The following ZNF75A variants were observed in gnomAD, a reference collection of about 807,000 sequenced individuals.
ZNF75A encodes zinc finger protein 75A.
Under a neutral mutation model 46.3 loss-of-function variants are expected in ZNF75A, and 36 were observed. The observed-to-expected ratio is 0.78, with a 90% CI of 0.60 to 1.03. ZNF75A has a LOEUF of 1.03. Ranked by LOEUF, ZNF75A falls within the 50% of genes least tolerant of loss-of-function variation. The pLI is 0.00. For missense variants in ZNF75A, 595 were observed against 551.3 expected (o/e 1.08, Z -0.79); for synonymous variants, 234 against 189.9 (o/e 1.23, Z -1.91).
At position 3,318,341 on chromosome 16, in the gene ZNF75A, A is replaced by G. The variant is rs922314633; in HGVS notation, c.*472A>G. On this transcript the variant is annotated 3_prime_UTR_variant, in exon 7 of 7. Transcript: ENST00000669516. ...TGAGTTCCTTCTTAAACTTTTCGGC[A>G]ACTTCTCTTGGATCCTGTTATCACA... is the stretch of plus-strand genomic sequence containing the variant. 5.1e-6 allele frequency: 5 copies of G among 988,324 alleles called. No individual in the cohort carries two copies. The highest frequency in any genetic ancestry group is 6.0e-6 in the Non-Finnish European group (5 of 831,992). 61.2% of individuals were successfully genotyped at this position (988,324 alleles called of 1,614,324 possible).
chr16:3,316,165 T>C (rs1477071450), intron 5 of ZNF75A: 1 of 152,358 alleles, frequency 6.6e-6, no homozygotes, highest in Admixed American at 6.5e-5. Context: ...TTATTTTGTT[T>C]ATTGATTGAT....
intron 5 of ZNF75A, chr16:3,316,421 G>C (rs60962965): frequency 6.6e-6 from 1 of 152,304 alleles, no homozygotes; most frequent in Non-Finnish European, 1.5e-5. Context: ...ATCTATCCTA[G>C]TTGAGGGCCA....
chr16:3,309,916 G>A (rs552858203), intron 2 of ZNF75A, among the ~76,000 whole-genome samples: 7 of 151,592 alleles, frequency 4.6e-5, no homozygotes, highest in African/African-American at 1.7e-4. Context: ...AACATAGTGT[G>A]ACCTTGTTGC....
chr16:3,316,851 A>T, intron 5 of ZNF75A, 61 bp from the exon 6 acceptor site: 3 of 1,131,010 alleles, frequency 2.7e-6, no homozygotes, highest in South Asian at 2.7e-5. Context: ...ACAGTCTGGG[A>T]TTAGTGGACC....
At chr16:3,306,502 A>G (rs965118623) in intron 1 of ZNF75A, 2 of 152,144 alleles carry the variant, frequency 1.3e-5, no homozygotes, top group African/African-American at 4.8e-5. Context: ...TCACGAGGTC[A>G]GGAGATCGAG....
chr16:3,322,340 A>G (rs1196904888), downstream of ZNF75A, among the ~76,000 whole-genome samples: 2 of 152,132 alleles, frequency 1.3e-5, no homozygotes, highest in South Asian at 4.2e-4. Context: ...TGAAACATCA[A>G]CCAAATTTGC....
rs1401406043 is a variant in ZNF75A at position 3,313,016 on chromosome 16, A to C, written c.697-33A>C. The C allele has an allele frequency of 9.4e-6, 15 of 1,594,258 alleles. No homozygotes were observed. The East Asian group carries it at 3.1e-4, about 33-fold the overall frequency. Reference sequence around the variant, plus strand: ...GGCTAGGCTGCTTCTGTACAGTGGCAGGTTCTGAGCTGAAGTCCATTCTCT... The same window carrying C: ...GGCTAGGCTGCTTCTGTACAGTGGCCGGTTCTGAGCTGAAGTCCATTCTCT... On this transcript the variant is annotated intron_variant, in intron 4 of 6. Coordinates refer to ENST00000669516, the MANE Select transcript of ZNF75A (RefSeq NM_001302109.2).
In ZNF75A at chr16:3,308,405, A is replaced by G; in HGVS notation, c.-24A>G. ...TGGTACCAATTGGGTGTCTTAACAC[A>G]GGAGCAGAACTTCCTAGAGCAGAAT... On this transcript the variant is annotated 5_prime_UTR_variant, in exon 2 of 7. Coordinates refer to ENST00000669516, the MANE Select transcript of ZNF75A (RefSeq NM_001302109.2). 1 of 985,884 alleles carries G rather than the reference A, an allele frequency of 1.0e-6. No homozygotes were observed. The highest frequency in any genetic ancestry group is 1.2e-6 in the Non-Finnish European group (1 of 829,936). The allele number at this position is 985,884 out of a possible 1,614,324, so 61.1% of individuals were successfully genotyped here.
intron 2 of ZNF75A, among the ~76,000 whole-genome samples, chr16:3,310,380 C>T (rs9972788): frequency 0.032 from 4,874 of 150,660 alleles, 289 homozygotes; most frequent in African/African-American, 0.11. Context: ...GGCAACTGAG[C>T]GAGACTCCAT....
intron 2 of ZNF75A, among the ~76,000 whole-genome samples, chr16:3,310,171 G>A (rs562920377): frequency 9.2e-5 from 14 of 152,088 alleles, no homozygotes; most frequent in South Asian, 8.3e-4. Context: ...TGAGGCGGGC[G>A]GATCACAAGG....
chr16:3,313,030 A>C lies in ZNF75A; in HGVS notation c.697-19A>C, dbSNP rs749036524. The C allele has an allele frequency of 6.2e-7, 1 of 1,606,214 alleles. No homozygotes were observed. Among genetic ancestry groups the C allele is most frequent in the Non-Finnish European group, 8.5e-7 (1 of 1,175,908 alleles). ...TGTACAGTGGCAGGTTCTGAGCTGA[A>C]GTCCATTCTCTTCTTTAGAGCTTGT... On this transcript the variant is annotated intron_variant, in intron 4 of 6. Transcript: ENST00000669516.
downstream of ZNF75A, among the ~76,000 whole-genome samples, chr16:3,321,877 A>G (rs75252142): frequency 1.4e-3 from 209 of 152,360 alleles, 4 homozygotes; most frequent in East Asian, 0.039. Context: ...TACTGAGAAC[A>G]GTGTTTAATT....
chr16:3,308,183 A>G (rs528746456), intron 1 of ZNF75A, 130 bp from the exon 2 acceptor site: 1 of 153,340 alleles, frequency 6.5e-6, no homozygotes, highest in South Asian at 2.1e-4. Flanking sequence ...GAGAAAAACA[A>G]AGGGCCTGCT....
downstream of ZNF75A, among the ~76,000 whole-genome samples, chr16:3,319,611 T>C (rs1961448934): frequency 6.6e-6 from 1 of 152,166 alleles, no homozygotes; most frequent in Non-Finnish European, 1.5e-5. Flanking sequence ...TGTCCTATAC[T>C]CTGAGGACAC....
In ZNF75A at chr16:3,309,764, AAAAG is replaced by A. The variant is rs1383685051; in HGVS notation, c.408+929_408+932del. ...GTGAGAACCTGTCAAAAAAAAAAAAAAAAGGCAGATCCACAAGGAGAACACAGGA... is the reference window on the plus strand; with the variant it reads ...GTGAGAACCTGTCAAAAAAAAAAAAAGCAGATCCACAAGGAGAACACAGGA... On this transcript the variant is annotated intron_variant, in intron 2 of 6. Transcript: ENST00000669516. 5.3e-5 allele frequency among the ~76,000 whole-genome samples: 8 copies of A among 151,940 alleles called. No homozygotes were observed. In the East Asian group the frequency reaches 7.7e-4, roughly 15 times the overall value.
chr16:3,318,997 G>C, downstream of ZNF75A: 1 of 294,766 alleles, frequency 3.4e-6, no homozygotes, highest in Non-Finnish European at 5.0e-6. Flanking sequence ...AGTCTGTATA[G>C]CCTATGGATT....
Position 3,311,852 on chromosome 16 carries a change from G to A in ZNF75A, c.508G>A (p.Val170Ile), listed in dbSNP as rs1567268841. Residue 170 changes from valine (V) to isoleucine (I), a missense_variant, in exon 3 of 7, where the codon GTA becomes ATA. By Grantham distance (29) the Val-to-Ile change is conservative. Coordinates refer to ENST00000669516, the MANE Select transcript of ZNF75A (RefSeq NM_001302109.2). ...GCCAACAGAGTCCCAACCAGTGGGCGTATCCCAAGATGAAGAATTTTGGAA... is the reference window on the plus strand; with the variant it reads ...GCCAACAGAGTCCCAACCAGTGGGCATATCCCAAGATGAAGAATTTTGGAA... ...LKPTESQPVG[V>I]SQDEEFWNTY... 7 of 1,038,252 alleles carry A rather than the reference G, an allele frequency of 6.7e-6. No homozygotes were observed. The highest frequency in any genetic ancestry group is 7.3e-5 in the South Asian group (2 of 27,444). 64.3% of individuals were successfully genotyped at this position (1,038,252 alleles called of 1,614,324 possible).
At chr16:3,313,272 G>A (rs548341895) in intron 5 of ZNF75A, 97 bp downstream of exon 5, 1 of 1,301,282 alleles carries the variant, frequency 7.7e-7, no homozygotes, top group African/African-American at 1.5e-5. Flanking sequence ...TCCAGGAGCT[G>A]GTTGATTCTC....
At chr16:3,311,059 A>G in intron 2 of ZNF75A, 1 of 606,650 alleles carries the variant, frequency 1.6e-6, no homozygotes, top group South Asian at 7.3e-5. Flanking sequence ...CATTTATTTG[A>G]ATTTTAGAGA....
Sources: gnomAD v4.1 joint callset for allele counts (sites outside exome capture counted in the v4.1 genomes callset) on GRCh38, gnomAD v4.1.1 for gene constraint, MANE v1.5 for transcripts, NCBI Gene and HGNC (gene_info 2026-07-23, HGNC 2026-07-21) for gene names.